Variants in DPP10 observed in about 807,000 individuals in gnomAD.
DPP10 encodes dipeptidyl peptidase like 10.
In DPP10, 33 loss-of-function variants were observed where a neutral mutation model predicts 120.9. The ratio of observed to expected loss-of-function variants is 0.27; its 90% CI spans 0.21 to 0.37. DPP10 has a LOEUF of 0.37. Among genes scored for constraint, DPP10 ranks in the 10% least tolerant of loss-of-function variants. The pLI is 1.00. For missense variants in DPP10, 816 were observed against 942.8 expected, an observed-to-expected ratio of 0.87 and a Z score of 1.76; for synonymous variants, 337 against 326.1, an observed-to-expected ratio of 1.03 and a Z score of -0.36.
intron 1 of DPP10, among the ~76,000 whole-genome samples, chr2:114,627,625 G>C (rs1234224208): frequency 2.6e-5 from 4 of 151,876 alleles, no homozygotes; most frequent in African/African-American, 9.7e-5. Flanking sequence ...GTAGGGGGAG[G>C]GAGCGGAAGT....
At chr2:115,181,612 C>A (rs983278771) in intron 1 of DPP10, among the ~76,000 whole-genome samples, 1 of 152,094 alleles carries the variant, frequency 6.6e-6, no homozygotes, top group Non-Finnish European at 1.5e-5. Context: ...GGAAAAAAAC[C>A]CCTGCAGATC....
At chr2:114,732,367 A>G (rs2105948380) in intron 1 of DPP10, among the ~76,000 whole-genome samples, 1 of 152,328 alleles carries the variant, frequency 6.6e-6, no homozygotes, top group Admixed American at 6.5e-5. Flanking sequence ...TTGAGGTCAG[A>G]GAAAGCTTCC....
chr2:115,593,785 A>G (rs886172971), intron 5 of DPP10, among the ~76,000 whole-genome samples: 1 of 152,210 alleles, frequency 6.6e-6, no homozygotes, highest in Non-Finnish European at 1.5e-5. Context: ...ATTTATTTGC[A>G]ACACAAGTTT....
intron 2 of DPP10, among the ~76,000 whole-genome samples, chr2:115,334,855 A>G (rs2063024233): frequency 6.6e-6 from 1 of 151,928 alleles, no homozygotes; most frequent in Non-Finnish European, 1.5e-5. Context: ...GTCTTCTTTT[A>G]TGTAAAACAC....
At chr2:115,014,882 A>G (rs1439639578) in intron 1 of DPP10, among the ~76,000 whole-genome samples, 2 of 141,330 alleles carry the variant, frequency 1.4e-5, no homozygotes, top group African/African-American at 2.5e-5. Context: ...AAAAAAAAGC[A>G]TGGGATGAGA....
intron 1 of DPP10, among the ~76,000 whole-genome samples, chr2:114,738,487 T>C (rs1677684565): frequency 6.6e-6 from 1 of 152,054 alleles, no homozygotes; most frequent in Non-Finnish European, 1.5e-5. Context: ...CTATCTCTAG[T>C]GGAAAAAATA....
chr2:115,529,651 A>G (rs185594799), intron 5 of DPP10, among the ~76,000 whole-genome samples: 1 of 152,190 alleles, frequency 6.6e-6, no homozygotes, highest in Non-Finnish European at 1.5e-5. Context: ...AATAGTTAAA[A>G]GTAGTAAAAA....
At chr2:114,910,074 GA>G (rs1277531809) in intron 1 of DPP10, among the ~76,000 whole-genome samples, 1 of 151,590 alleles carries the variant, frequency 6.6e-6, no homozygotes, top group Non-Finnish European at 1.5e-5. Flanking sequence ...AAGACTTTAT[GA>G]AGAATAGAGA....
At chr2:115,054,704 A>G (rs1438688616) in intron 1 of DPP10, among the ~76,000 whole-genome samples, 2 of 152,142 alleles carry the variant, frequency 1.3e-5, no homozygotes, top group African/African-American at 4.8e-5. Flanking sequence ...TGAGGTCAGG[A>G]GTTCAAGAGC....
At chr2:115,559,636 T>A (rs1317846838) in intron 5 of DPP10, among the ~76,000 whole-genome samples, 1 of 152,224 alleles carries the variant, frequency 6.6e-6, no homozygotes, top group Admixed American at 6.5e-5. Context: ...AAGTTATTAG[T>A]TTGTGGTTTG....
intron 5 of DPP10, among the ~76,000 whole-genome samples, chr2:115,654,986 C>T (rs932215059): frequency 6.6e-6 from 1 of 151,692 alleles, no homozygotes; most frequent in Non-Finnish European, 1.5e-5. Flanking sequence ...AAATTCTACA[C>T]TTATTTTCTA....
intron 5 of DPP10, among the ~76,000 whole-genome samples, chr2:115,685,987 C>T (rs759888748): frequency 8.5e-5 from 13 of 152,060 alleles, no homozygotes; most frequent in Non-Finnish European, 1.3e-4. Flanking sequence ...CTGGGTCTTT[C>T]ACAGTCATTC....
At chr2:114,489,038 T>C (rs1480062298) in intron 1 of DPP10, among the ~76,000 whole-genome samples, 1 of 152,224 alleles carries the variant, frequency 6.6e-6, no homozygotes, top group Non-Finnish European at 1.5e-5. Flanking sequence ...GGGTTGCATG[T>C]GAATATTTCC....
intron 3 of DPP10, among the ~76,000 whole-genome samples, chr2:115,408,775 A>C (rs1001621310): frequency 8.5e-5 from 13 of 152,212 alleles, no homozygotes; most frequent in African/African-American, 3.1e-4. Flanking sequence ...ATAAAGATGG[A>C]AACACAAAAT....
chr2:115,782,937 C>T (rs1229348677), intron 17 of DPP10, among the ~76,000 whole-genome samples: 2 of 151,962 alleles, frequency 1.3e-5, no homozygotes, highest in South Asian at 4.1e-4. Flanking sequence ...GTGACAGAGT[C>T]GGAGGGTACA....
At chr2:114,991,293 A>C (rs1320785060) in intron 1 of DPP10, among the ~76,000 whole-genome samples, 2 of 152,028 alleles carry the variant, frequency 1.3e-5, no homozygotes, top group Non-Finnish European at 2.9e-5. Context: ...GATCATCAAG[A>C]GAAAGGTAGA....
intron 1 of DPP10, among the ~76,000 whole-genome samples, chr2:115,191,081 T>C (rs1426244416): frequency 6.6e-6 from 1 of 152,136 alleles, no homozygotes; most frequent in African/African-American, 2.4e-5. Context: ...TCCTATACTA[T>C]AGAAATGGCT....
At chr2:114,468,565 G>A (rs1012232979) in intron 1 of DPP10, among the ~76,000 whole-genome samples, 1 of 152,120 alleles carries the variant, frequency 6.6e-6, no homozygotes, top group Non-Finnish European at 1.5e-5. Context: ...TGTTTCCCCT[G>A]AGGCTCATCC....
At position 114,799,923 on chromosome 2, in the gene DPP10, G is replaced by A. The variant is rs538349819; in HGVS notation, c.60+357085G>A. 3.9e-5 allele frequency among the ~76,000 whole-genome samples: 6 copies of A among 152,266 alleles called. No individual in the cohort carries two copies. The East Asian group carries it at 1.2e-3, about 29-fold the overall frequency. ...TCTTCATTTAATATAATTTGAATGG[G>A]GTAGATGATAATCTTGCATTTTGAG... On this transcript the variant is annotated intron_variant, in intron 1 of 25. Coordinates refer to ENST00000410059, the MANE Select transcript of DPP10 (RefSeq NM_020868.6).
Sources: gnomAD v4.1 joint callset for allele counts (sites outside exome capture counted in the v4.1 genomes callset) on GRCh38, gnomAD v4.1.1 for gene constraint, MANE v1.5 for transcripts, NCBI Gene and HGNC (gene_info 2026-07-23, HGNC 2026-07-21) for gene names.